The following EVC variants were observed in gnomAD, a reference collection of about 807,000 sequenced individuals.
The protein encoded by EVC is EvC ciliary complex subunit 1.
A neutral mutation model predicts 118.9 loss-of-function variants in EVC; 116 were observed. That is an observed-to-expected ratio of 0.98 (90% CI 0.84 to 1.14). The LOEUF is 1.14. EVC is among the 50% of genes most tolerant of loss of function. The pLI is 0.00. For missense variants in EVC, 1,401 were observed against 1,246.4 expected, an observed-to-expected ratio of 1.12 and a Z score of -1.87; for synonymous variants, 619 against 534.7, an observed-to-expected ratio of 1.16 and a Z score of -2.18.
intron 14 of EVC, 192 bp downstream of exon 14, chr4:5,797,424 C>T (rs895842081): frequency 1.1e-5 from 7 of 625,026 alleles, no homozygotes; most frequent in African/African-American, 7.2e-5. Flanking sequence ...TTTCCCTGCT[C>T]ACCATCCTGG....
chr4:5,767,638 A>G (rs990102094), intron 11 of EVC, among the ~76,000 whole-genome samples: 1 of 151,960 alleles, frequency 6.6e-6, no homozygotes, highest in Non-Finnish European at 1.5e-5. Context: ...AAAGCACAGT[A>G]TGCGGGTGGG....
chr4:5,778,344 G>A (rs1397463877), intron 11 of EVC, among the ~76,000 whole-genome samples: 2 of 151,960 alleles, frequency 1.3e-5, no homozygotes, highest in African/African-American at 4.8e-5. Flanking sequence ...AGTCCTTTGG[G>A]TATATACCCA....
At chr4:5,722,508 T>A (rs2151867185) in intron 2 of EVC, among the ~76,000 whole-genome samples, 1 of 152,220 alleles carries the variant, frequency 6.6e-6, no homozygotes, top group African/African-American at 2.4e-5. Flanking sequence ...TGTCCTCTAG[T>A]GCACAGAAAA....
chr4:5,783,497 C>T, intron 11 of EVC, 55 bp from the exon 12 acceptor site: 1 of 1,542,946 alleles, frequency 6.5e-7, no homozygotes, highest in Non-Finnish European at 9.0e-7. Flanking sequence ...GCAGCTCAGG[C>T]CCCACACAGG....
At chr4:5,828,785 C>G in the EVC span, 10 of 1,236,286 alleles carry the variant, frequency 8.1e-6, no homozygotes, top group Non-Finnish European at 1.0e-5. Flanking sequence ...TTTTTTTTCT[C>G]TCTAAAAATA....
intron 5 of EVC, among the ~76,000 whole-genome samples, chr4:5,735,552 T>A (rs1423974444): frequency 6.6e-6 from 1 of 152,210 alleles, no homozygotes; most frequent in Non-Finnish European, 1.5e-5. Context: ...ATCACAGCTG[T>A]GTGGCTGGCA....
chr4:5,827,733 G>GCACACAGACACACA, the EVC span, among the ~76,000 whole-genome samples: 15 of 138,332 alleles, frequency 1.1e-4, no homozygotes, highest in Middle Eastern at 3.4e-3. Flanking sequence ...ATGTGCGCGT[G>GCACACAGACACACA]CACACACACA....
At chr4:5,733,842 C>T (rs1294312738) in intron 5 of EVC, among the ~76,000 whole-genome samples, 2 of 152,146 alleles carry the variant, frequency 1.3e-5, no homozygotes, top group East Asian at 3.9e-4. Context: ...ACACTTAAAC[C>T]TCAGCACAAC....
intron 4 of EVC, among the ~76,000 whole-genome samples, chr4:5,732,425 G>C (rs1486465804): frequency 6.6e-6 from 1 of 152,264 alleles, no homozygotes; most frequent in Admixed American, 6.5e-5. Flanking sequence ...TTGAAGAGGG[G>C]CCTTCTTGGA....
At chr4:5,745,126 C>G in intron 6 of EVC, 78 bp from the exon 7 acceptor site, 1 of 1,392,182 alleles carries the variant, frequency 7.2e-7, no homozygotes, top group Non-Finnish European at 1.0e-6. Context: ...AAAATAAAAG[C>G]ATTTATTTTT....
chr4:5,820,036 T>C, the EVC span, among the ~76,000 whole-genome samples: 32 of 152,184 alleles, frequency 2.1e-4, 1 homozygote, highest in Admixed American at 1.0e-3. Flanking sequence ...AGCTTTGGAC[T>C]AGGGCCCAAA....
Position 5,755,952 on chromosome 4 carries a change from G to A in EVC, c.1465-312G>A, listed in dbSNP as rs1157053507. Among the ~76,000 whole-genome samples, 1 of 152,216 alleles carries A rather than the reference G, an allele frequency of 6.6e-6. No individual in the cohort carries two copies. The highest frequency in any genetic ancestry group is 1.5e-5 in the Non-Finnish European group (1 of 68,046). ...CAGTGGGTCTTCCATGGCCTGGGTG[G>A]TCAGAAAGTGATGTCTGGGTGGCTG... On this transcript the variant is annotated intron_variant, in intron 10 of 20. Coordinates refer to ENST00000264956, the MANE Select transcript of EVC (RefSeq NM_153717.3). The surrounding 1 kb of genome is among the most constrained non-coding windows in gnomAD (Gnocchi z 4.1).
intron 2 of EVC, among the ~76,000 whole-genome samples, chr4:5,724,700 A>T (rs1239932689): frequency 5.5e-4 from 80 of 144,904 alleles, no homozygotes; most frequent in African/African-American, 1.9e-3. Context: ...TTTCCCTGTT[A>T]TTTTTTTTTT....
intron 3 of EVC, among the ~76,000 whole-genome samples, chr4:5,729,988 TTGTG>T (rs1042298091): frequency 4.6e-5 from 7 of 152,194 alleles, no homozygotes; most frequent in South Asian, 2.1e-4. Context: ...GGGAGGTGCT[TTGTG>T]CAAAAAAGTT....
At chr4:5,782,197 C>T (rs1199407729) in intron 11 of EVC, among the ~76,000 whole-genome samples, 1 of 151,962 alleles carries the variant, frequency 6.6e-6, no homozygotes, top group Non-Finnish European at 1.5e-5. Flanking sequence ...CCTCAGCCTC[C>T]CAAGTAGCTG....
At chr4:5,825,896 TACAG>T in the EVC span, 5 of 533,836 alleles carry the variant, frequency 9.4e-6, no homozygotes, top group East Asian at 3.4e-5. This position sits in a 1 kb window ranked among gnomAD's most constrained non-coding sequence, Gnocchi z 4.4. Flanking sequence ...TGCATACACA[TACAG>T]ACGCACACAC....
At chr4:5,772,796 G>T (rs1034452962) in intron 11 of EVC, among the ~76,000 whole-genome samples, 3 of 152,236 alleles carry the variant, frequency 2.0e-5, no homozygotes, top group South Asian at 2.1e-4. Context: ...ATGTCTCTCA[G>T]TTCCCCCAAG....
intron 5 of EVC, among the ~76,000 whole-genome samples, chr4:5,736,232 G>A (rs189588699): frequency 7.4e-4 from 113 of 152,250 alleles, no homozygotes; most frequent in Non-Finnish European, 1.4e-3. Flanking sequence ...TACTTTGATT[G>A]TGGCTGCACT....
intron 11 of EVC, among the ~76,000 whole-genome samples, chr4:5,773,986 C>T (rs1734365064): frequency 6.6e-6 from 1 of 152,052 alleles, no homozygotes; most frequent in African/African-American, 2.4e-5. Context: ...AGATCCATTC[C>T]GTGGACTCTG....
Sources: gnomAD v4.1 joint callset for allele counts (sites outside exome capture counted in the v4.1 genomes callset) on GRCh38, gnomAD v4.1.1 for gene constraint, Gnocchi (gnomAD v3.1) non-coding constraint, MANE v1.5 for transcripts, NCBI Gene and HGNC (gene_info 2026-07-23, HGNC 2026-07-21) for gene names.